CA10: variants seen among roughly 807,000 people sequenced by gnomAD.
CA10 encodes the protein carbonic anhydrase 10 (inactive), also known as carbonic anhydrase-related protein 10.
In CA10, 14 loss-of-function variants were observed where a neutral mutation model predicts 44.2. The ratio of observed to expected loss-of-function variants is 0.32; its 90% CI spans 0.21 to 0.50. CA10 has a LOEUF of 0.50. CA10 is among the 20% of genes least tolerant of loss of function. The pLI is 0.99. For missense variants in CA10, 350 were observed against 409.7 expected, an observed-to-expected ratio of 0.85 and a Z score of 1.26; for synonymous variants, 159 against 141.6, an observed-to-expected ratio of 1.12 and a Z score of -0.87.
chr17:52,004,427 G>A (rs1180743836), intron 2 of CA10, among the ~76,000 whole-genome samples: 1 of 151,876 alleles, frequency 6.6e-6, no homozygotes, highest in African/African-American at 2.4e-5. Context: ...AAAGTCAGCT[G>A]CATATTTCTA....
chr17:51,936,515 G>A (rs1982871796), intron 2 of CA10, among the ~76,000 whole-genome samples: 1 of 152,118 alleles, frequency 6.6e-6, no homozygotes, highest in African/African-American at 2.4e-5. Context: ...GCGAAAGTGA[G>A]CAGTCTTGGC....
intron 4 of CA10, among the ~76,000 whole-genome samples, chr17:51,731,041 T>C (rs565992171): frequency 6.6e-6 from 1 of 151,942 alleles, no homozygotes; most frequent in Non-Finnish European, 1.5e-5. Context: ...GCTAGAAAGA[T>C]TGGCTGAACA....
At chr17:51,638,960 G>A (rs1459523452) in intron 6 of CA10, among the ~76,000 whole-genome samples, 2 of 152,122 alleles carry the variant, frequency 1.3e-5, no homozygotes, top group Non-Finnish European at 2.9e-5. Context: ...AGGGCGATGT[G>A]GAGATGGAAG....
chr17:51,771,848 A>G (rs4794304), intron 3 of CA10, among the ~76,000 whole-genome samples: 34,142 of 152,072 alleles, frequency 0.22, 4,245 homozygotes, highest in Middle Eastern at 0.38. Flanking sequence ...GCTCTTTACC[A>G]TTTTACAGAG....
intron 3 of CA10, among the ~76,000 whole-genome samples, chr17:51,777,139 C>A (rs1218899398): frequency 6.6e-6 from 1 of 152,110 alleles, no homozygotes; most frequent in Non-Finnish European, 1.5e-5. Context: ...TTCTGGCTTA[C>A]AATTGTGTGA....
intron 2 of CA10, among the ~76,000 whole-genome samples, chr17:51,941,903 T>G (rs1983090624): frequency 1.3e-5 from 2 of 152,242 alleles, no homozygotes; most frequent in South Asian, 4.1e-4. Flanking sequence ...ATGTTTAGTA[T>G]GTAAACATCT....
At chr17:51,891,149 C>T (rs562140739) in intron 3 of CA10, among the ~76,000 whole-genome samples, 4 of 152,270 alleles carry the variant, frequency 2.6e-5, no homozygotes, top group South Asian at 2.1e-4. Context: ...TCTACTACTA[C>T]GCATTCATTA....
chr17:51,960,130 A>G (rs1233785103), intron 2 of CA10, among the ~76,000 whole-genome samples: 1 of 152,024 alleles, frequency 6.6e-6, no homozygotes, highest in Non-Finnish European at 1.5e-5. Flanking sequence ...TAACTAAAAA[A>G]TAAACTGGAT....
intron 3 of CA10, among the ~76,000 whole-genome samples, chr17:51,765,209 T>C (rs1306286501): frequency 6.6e-6 from 1 of 152,202 alleles, no homozygotes; most frequent in African/African-American, 2.4e-5. Flanking sequence ...TCATTATCTC[T>C]GTAATGAGAG....
intron 2 of CA10, among the ~76,000 whole-genome samples, chr17:51,998,774 T>C (rs777413279): frequency 2.6e-5 from 4 of 152,058 alleles, no homozygotes; most frequent in Non-Finnish European, 5.9e-5. Flanking sequence ...TCAACTTATT[T>C]TGATCACAGA....
rs545525955 is a variant in CA10 at position 51,856,816 on chromosome 17, C to G, written c.279+74174G>C. Among the ~76,000 whole-genome samples the G allele has an allele frequency of 1.8e-3, 280 of 152,166 alleles. 1 individual carries two copies. The highest frequency in any genetic ancestry group is 6.4e-3 in the African/African-American group (265 of 41,528). On this transcript the variant is annotated intron_variant, in intron 3 of 8. Coordinates refer to ENST00000451037, the MANE Select transcript of CA10 (RefSeq NM_020178.5). ...AGGGGGCTTATGAAAGGCTCCAAAG[C>G]GGGGGAGGTCAGATGGGGCTCAACA...
At chr17:51,956,801 A>G (rs1983681851) in intron 2 of CA10, among the ~76,000 whole-genome samples, 1 of 151,966 alleles carries the variant, frequency 6.6e-6, no homozygotes, top group South Asian at 2.1e-4. Context: ...ACAAAAAAGC[A>G]GAGGCTTTTT....
chr17:51,764,312 ACC>A (rs1905294397), intron 3 of CA10, among the ~76,000 whole-genome samples: 1 of 152,122 alleles, frequency 6.6e-6, no homozygotes, highest in Non-Finnish European at 1.5e-5. Flanking sequence ...GTCCTTTGAA[ACC>A]CCACAGGCTT....
intron 2 of CA10, among the ~76,000 whole-genome samples, chr17:52,025,686 C>T (rs1986278739): frequency 6.6e-6 from 1 of 151,946 alleles, no homozygotes; most frequent in Admixed American, 6.6e-5. Flanking sequence ...TTCATGAATG[C>T]CTTTTCTGTC....
At chr17:52,092,518 G>A (rs1312950724) in intron 1 of CA10, among the ~76,000 whole-genome samples, 1 of 152,102 alleles carries the variant, frequency 6.6e-6, no homozygotes, top group East Asian at 1.9e-4. Context: ...CTTGCAGAGT[G>A]CACCTTCTCC....
intron 3 of CA10, among the ~76,000 whole-genome samples, chr17:51,823,650 T>G (rs760753806): frequency 4.6e-5 from 7 of 152,174 alleles, no homozygotes; most frequent in Non-Finnish European, 8.8e-5. Context: ...AACCAGTGGA[T>G]GATGACAACT....
chr17:51,720,637 A>G lies in CA10; in HGVS notation c.465+26996T>C, dbSNP rs558945923. ...AACAACATGGATGGAACTGGAGGACATTATGCTAACTGAAATAAGCCAGGC... is the reference window on the plus strand; with the variant it reads ...AACAACATGGATGGAACTGGAGGACGTTATGCTAACTGAAATAAGCCAGGC... On this transcript the variant is annotated intron_variant, in intron 4 of 8. Coordinates refer to ENST00000451037, the MANE Select transcript of CA10 (RefSeq NM_020178.5). Among the ~76,000 whole-genome samples, 9 of 152,356 alleles carry G rather than the reference A, an allele frequency of 5.9e-5. No homozygotes were observed. The East Asian group carries it at 1.7e-3, about 29-fold the overall frequency.
At chr17:52,087,521 T>C (rs144165462) in intron 1 of CA10, among the ~76,000 whole-genome samples, 10 of 152,322 alleles carry the variant, frequency 6.6e-5, no homozygotes, top group African/African-American at 2.2e-4. Flanking sequence ...GGTTCAGTGG[T>C]AGAAGGTATG....
At chr17:51,900,152 G>C (rs1377657490) in intron 3 of CA10, among the ~76,000 whole-genome samples, 1 of 152,072 alleles carries the variant, frequency 6.6e-6, no homozygotes, top group East Asian at 1.9e-4. Flanking sequence ...GTGTGTTCCT[G>C]TGGTGGCCCA....
Sources: gnomAD v4.1 joint callset for allele counts (sites outside exome capture counted in the v4.1 genomes callset) on GRCh38, gnomAD v4.1.1 for gene constraint, MANE v1.5 for transcripts, NCBI Gene and HGNC (gene_info 2026-07-23, HGNC 2026-07-21) for gene names.